The following OTP variants were observed in gnomAD, a reference collection of about 807,000 sequenced individuals.
The protein encoded by OTP is homeobox protein orthopedia.
OTP carries 5 observed loss-of-function variants against 22.3 expected under a neutral mutation model. That is an observed-to-expected ratio of 0.22 (90% CI 0.12 to 0.47). The LOEUF (loss-of-function observed/expected upper bound fraction) is 0.47, where lower values mean the gene tolerates loss of function less well. Among genes scored for constraint, OTP ranks in the 20% least tolerant of loss-of-function variants. The pLI is 0.99. For synonymous variants in OTP, 229 were observed against 210.6 expected (o/e 1.09, Z -0.76); for missense variants, 428 against 456.2 (o/e 0.94, Z 0.56).
chr5:77,633,083 G>A (rs1328746520), intron 2 of OTP, among the ~76,000 whole-genome samples: 1 of 152,158 alleles, frequency 6.6e-6, no homozygotes, highest in Non-Finnish European at 1.5e-5. Flanking sequence ...CTAACAACCT[G>A]CAAGTGCCAG....
At chr5:77,636,561 C>T in intron 2 of OTP, 1 of 431,878 alleles carries the variant, frequency 2.3e-6, no homozygotes, top group Non-Finnish European at 4.1e-6. Flanking sequence ...ACCCTGTAGC[C>T]CGACAACGCC....
In OTP at chr5:77,630,211, G is replaced by T; in HGVS notation, c.*53C>A. ...TCCGGGTGCGCGCCGGAAGGGCCTC[G>T]GGGCGGCCCCCGGGGCGGTGCTGGG... On this transcript the variant is annotated 3_prime_UTR_variant, in exon 3 of 3. Transcript: ENST00000306422. The T allele has an allele frequency of 1.5e-6, 2 of 1,291,382 alleles. No homozygotes were observed. Among genetic ancestry groups the T allele is most frequent in the East Asian group, 3.1e-5 (1 of 32,038 alleles). 80.0% of individuals were successfully genotyped at this position (1,291,382 alleles called of 1,614,324 possible).
chr5:77,638,452 C>T (rs1745043545), intron 1 of OTP, 61 bp downstream of exon 1: 4 of 1,511,546 alleles, frequency 2.6e-6, no homozygotes, highest in East Asian at 4.9e-5. Context: ...AAATAAGGAA[C>T]AAATTGACAA....
chr5:77,635,153 C>A (rs1047100152), intron 2 of OTP, among the ~76,000 whole-genome samples: 7 of 152,128 alleles, frequency 4.6e-5, no homozygotes, highest in African/African-American at 7.2e-5. Context: ...TAAGACACAG[C>A]ATTTTACCCT....
Position 77,630,145 on chromosome 5 carries a change from A to C in OTP, c.*119T>G, listed in dbSNP as rs974026025. The C allele has an allele frequency of 2.6e-5, 13 of 504,494 alleles. No homozygotes were observed. The highest frequency in any genetic ancestry group is 6.3e-5 in the African/African-American group (3 of 47,662). 31.3% of individuals were successfully genotyped at this position (504,494 alleles called of 1,614,324 possible). ...AGGAGAGAGGCGAGGACGAAACGAG[A>C]CGGGGCGAAGGCCGGGGCGGGACGG... On this transcript the variant is annotated 3_prime_UTR_variant, in exon 3 of 3. Transcript: ENST00000306422.
rs558821007 is a variant in OTP at position 77,636,670 on chromosome 5, G to A, written c.447+151C>T. On this transcript the variant is annotated intron_variant, in intron 2 of 2. Transcript: ENST00000306422. ...GGGATGGCGATGGGGACCAGTTTCCGGGTAGAGAAGGAGATAACTCGATAC... is the reference window on the plus strand; with the variant it reads ...GGGATGGCGATGGGGACCAGTTTCCAGGTAGAGAAGGAGATAACTCGATAC... 1.6e-4 allele frequency: 110 copies of A among 708,890 alleles called. No individual in the cohort carries two copies. In the South Asian group the frequency reaches 1.6e-3, roughly 10 times the overall value. The allele number at this position is 708,890 out of a possible 1,614,324, so 43.9% of individuals were successfully genotyped here. A position where few individuals can be genotyped will look rare whatever the true frequency, so the allele number is the denominator to read the frequency against.
Position 77,638,524 on chromosome 5 carries a change from TC to T in OTP, c.25del (p.Asp9ThrfsTer4). MLSHADLLDARLGMKDAAE... is the reference protein window; with the variant it reads MLSHADLLXARLGMKDAAE... ...AGGCGCGCACTCACCTAGCCTGGCG[TC>T]CAGGAGGTCGGCATGAGACAGCATC... On this transcript the variant is annotated frameshift_variant, in exon 1 of 3. Coordinates refer to ENST00000306422, the MANE Select transcript of OTP (RefSeq NM_032109.3). LOFTEE classifies it high-confidence loss of function. The T allele has an allele frequency of 6.3e-7, 1 of 1,578,280 alleles. No individual in the cohort carries two copies. Among genetic ancestry groups the T allele is most frequent in the Non-Finnish European group, 8.6e-7 (1 of 1,163,106 alleles).
At chr5:77,633,424 GT>G (rs1744959165) in intron 2 of OTP, among the ~76,000 whole-genome samples, 1 of 152,176 alleles carries the variant, frequency 6.6e-6, no homozygotes, top group African/African-American at 2.4e-5. Context: ...CGATGCATAT[GT>G]TTTTTAAATG....
intron 2 of OTP, among the ~76,000 whole-genome samples, chr5:77,632,877 G>T (rs535711106): frequency 6.6e-6 from 1 of 152,296 alleles, no homozygotes; most frequent in East Asian, 1.9e-4. Flanking sequence ...AGCGGTCTTA[G>T]GCGGAGAGCA....
chr5:77,638,496 G>C lies in OTP; in HGVS notation c.37+17C>G. 1.3e-6 allele frequency: 2 copies of C among 1,570,566 alleles called. No homozygotes were observed. The highest frequency in any genetic ancestry group is 8.6e-7 in the Non-Finnish European group (1 of 1,157,298). ...CCCGGCTTCTCCTGGCTGCCCGGGC[G>C]AGAGGCGCGCACTCACCTAGCCTGG... On this transcript the variant is annotated intron_variant, in intron 1 of 2. Coordinates refer to ENST00000306422, the MANE Select transcript of OTP (RefSeq NM_032109.3).
intron 2 of OTP, 133 bp from the exon 3 acceptor site, chr5:77,630,927 C>G: frequency 9.7e-7 from 1 of 1,028,764 alleles, no homozygotes; most frequent in Non-Finnish European, 1.4e-6. Flanking sequence ...GCCGTAGGCC[C>G]GACAAGCCCC....
In OTP at chr5:77,638,577, T is replaced by TC. The variant is rs199753477; in HGVS notation, c.-29dup. ...CGCACCGCTCCAGGGCGAAAGCTGT[T>TC]CCCCCCCAAATTTTAGCGGCTTTAA... On this transcript the variant is annotated 5_prime_UTR_variant, in exon 1 of 3. Transcript: ENST00000306422. 1.1e-3 allele frequency: 1,772 copies of TC among 1,545,192 alleles called. 31 individuals are homozygous for TC. In the East Asian group the frequency reaches 0.032, roughly 28 times the overall value.
chr5:77,630,630 G>A lies in OTP; in HGVS notation c.612C>T (p.Ala204=). ...CGGCCGCCGCCCAGCGGGTGTCGTT[G>A]GCGTGGAAAGAGCACAGGCTGTCGC... ...AMGDSLCSFH[A]NDTRWAAAAM... is the part of the protein sequence containing the mutation. The change falls in exon 3 of 3, where the codon GCC becomes GCT. Residue 204 remains alanine (A), a synonymous_variant. Transcript: ENST00000306422. The A allele has an allele frequency of 1.9e-6, 3 of 1,563,550 alleles. No individual in the cohort carries two copies. The highest frequency in any genetic ancestry group is 2.6e-6 in the Non-Finnish European group (3 of 1,162,252).
Position 77,637,075 on chromosome 5 carries a change from T to G in OTP, c.193A>C (p.Thr65Pro). ...AGCGAGGCCGGAGTAGAGCCCACTG[T>G]GGTGATGTCCTCCCCGGGCAGCAGA... ...ATLLPGEDIT[T>P]VGSTPASLAV... is the part of the protein sequence containing the mutation. Residue 65 changes from threonine (T) to proline (P), a missense_variant, in exon 2 of 3, where the codon ACA (threonine) becomes CCA (proline). Thr to Pro is a conservative substitution (Grantham distance 38). This residue lies in a region of OTP where 176 missense variants were observed against 162.9 expected (regional missense o/e 1.08). Coordinates refer to ENST00000306422, the MANE Select transcript of OTP (RefSeq NM_032109.3). 1 of 1,613,326 alleles carries G rather than the reference T, an allele frequency of 6.2e-7. No individual in the cohort carries two copies. Among genetic ancestry groups the G allele is most frequent in the South Asian group, 1.1e-5 (1 of 91,058 alleles).
chr5:77,635,947 C>T (rs188650256), intron 2 of OTP: 47 of 151,748 alleles, frequency 3.1e-4, no homozygotes, highest in African/African-American at 1.1e-3. Flanking sequence ...ATTCACTAGG[C>T]TTATACTTTT....
chr5:77,632,559 G>C (rs1371150101), intron 2 of OTP, among the ~76,000 whole-genome samples: 1 of 151,780 alleles, frequency 6.6e-6, no homozygotes, highest in Admixed American at 6.6e-5. Context: ...AATGTTCAGC[G>C]GTGTGTTCAT....
At chr5:77,635,838 G>A (rs972339135) in intron 2 of OTP, 3 of 151,660 alleles carry the variant, frequency 2.0e-5, no homozygotes, top group Admixed American at 6.6e-5. Flanking sequence ...GAGTACCGGC[G>A]CTTGGAATTT....
intron 2 of OTP, 57 bp downstream of exon 2, chr5:77,636,764 G>C: frequency 6.5e-7 from 1 of 1,537,830 alleles, no homozygotes; most frequent in South Asian, 1.2e-5. Context: ...TGCTCCCTTT[G>C]CCCAAATCCT....
Position 77,638,534 on chromosome 5 carries a change from C to T in OTP, c.16G>A (p.Asp6Asn). 6.3e-7 allele frequency: 1 copy of T among 1,578,920 alleles called. No homozygotes were observed. The highest frequency in any genetic ancestry group is 8.6e-7 in the Non-Finnish European group (1 of 1,164,384). The change falls in exon 1 of 3, where the codon GAC becomes AAC. Residue 6 changes from aspartate (D) to asparagine (N), a missense_variant. By Grantham distance (23) the Asp-to-Asn change is conservative. This residue lies in a region of OTP where 176 missense variants were observed against 162.9 expected (regional missense o/e 1.08). Coordinates refer to ENST00000306422, the MANE Select transcript of OTP (RefSeq NM_032109.3). ...TCACCTAGCCTGGCGTCCAGGAGGT[C>T]GGCATGAGACAGCATCGCGCACCGC... is the stretch of plus-strand genomic sequence containing the variant. MLSHA[D>N]LLDARLGMKD...
Sources: gnomAD v4.1 joint callset for allele counts (sites outside exome capture counted in the v4.1 genomes callset) on GRCh38, gnomAD v4.1.1 for gene constraint, gnomAD v4.1.1 regional missense constraint, MANE v1.5 for transcripts, NCBI Gene and HGNC (gene_info 2026-07-23, HGNC 2026-07-21) for gene names.